Variants in PEAK1 observed in about 807,000 individuals in gnomAD.
The protein encoded by PEAK1 is inactive tyrosine-protein kinase PEAK1.
In PEAK1, 54 loss-of-function variants were observed where a neutral mutation model predicts 124.7. That is an observed-to-expected ratio of 0.43 (90% CI 0.35 to 0.54). The LOEUF (loss-of-function observed/expected upper bound fraction) is 0.54. Among genes scored for constraint, PEAK1 ranks in the 20% least tolerant of loss-of-function variants. The probability of loss-of-function intolerance (pLI) is 0.01; values close to 1 mark genes in which losing one functional copy is unlikely to be tolerated. For missense variants in PEAK1, 2,046 were observed against 2,134.5 expected, an observed-to-expected ratio of 0.96 and a Z score of 0.82; for synonymous variants, 719 against 760.0, an observed-to-expected ratio of 0.95 and a Z score of 0.89.
intron 5 of PEAK1, among the ~76,000 whole-genome samples, chr15:77,264,228 C>A (rs1402149857): frequency 4.6e-5 from 7 of 152,100 alleles, no homozygotes; most frequent in South Asian, 2.1e-4. Flanking sequence ...CACTCCTATT[C>A]AACATAGTGT....
chr15:77,169,238 T>G (rs2056336405), intron 7 of PEAK1, among the ~76,000 whole-genome samples: 1 of 152,104 alleles, frequency 6.6e-6, no homozygotes, highest in African/African-American at 2.4e-5. Flanking sequence ...GAACTGAAAA[T>G]TTAAGCACAG....
chr15:77,217,663 T>C (rs1329936951), intron 6 of PEAK1, among the ~76,000 whole-genome samples: 2 of 152,226 alleles, frequency 1.3e-5, no homozygotes, highest in East Asian at 3.8e-4. Flanking sequence ...ATTCAGTTAA[T>C]AATGTAAAAT....
chr15:77,185,521 C>T lies in PEAK1; in HGVS notation c.-114-3481G>A, dbSNP rs533074566. Among the ~76,000 whole-genome samples, 40 of 152,234 alleles carry T rather than the reference C, an allele frequency of 2.6e-4. 1 individual carries two copies. The highest frequency in any genetic ancestry group is 9.4e-4 in the African/African-American group (39 of 41,522). On this transcript the variant is annotated intron_variant, in intron 6 of 9. Coordinates refer to ENST00000682557, the MANE Select transcript of PEAK1 (RefSeq NM_001385026.1). Reference sequence around the variant, plus strand: ...TATTTCAAATGCTGCTGAGAGGTAACGGAAAATGAGGACTTACATACATGC... The same window carrying T: ...TATTTCAAATGCTGCTGAGAGGTAATGGAAAATGAGGACTTACATACATGC...
chr15:77,151,240 G>T (rs1374391246), intron 8 of PEAK1, among the ~76,000 whole-genome samples: 1 of 150,952 alleles, frequency 6.6e-6, no homozygotes, highest in South Asian at 2.1e-4. Flanking sequence ...TTGCAGTTTT[G>T]ATTTGCATTT....
At chr15:77,233,546 C>T (rs973554622) in intron 6 of PEAK1, among the ~76,000 whole-genome samples, 24 of 152,130 alleles carry the variant, frequency 1.6e-4, no homozygotes, top group Admixed American at 1.4e-3. Flanking sequence ...GTTGGAGTGA[C>T]CAAAAATATC....
At chr15:77,122,231 C>T (rs2051986127) in intron 9 of PEAK1, among the ~76,000 whole-genome samples, 1 of 152,162 alleles carries the variant, frequency 6.6e-6, no homozygotes, top group Admixed American at 6.5e-5. Flanking sequence ...TAATTTACAG[C>T]TTGAATTGCT....
Position 77,334,915 on chromosome 15 carries a change from C to T in PEAK1, c.-603+30248G>A, listed in dbSNP as rs1313427499. ...CCTTTTTATTACTGATATCCAGCTT[C>T]CCCAGGTTTAATGACTAAACCTTTT... On this transcript the variant is annotated intron_variant, in intron 2 of 9. Transcript: ENST00000682557. 3 of 985,242 alleles carry T rather than the reference C, an allele frequency of 3.0e-6. No individual in the cohort carries two copies. The African/African-American group carries it at 5.2e-5, about 17-fold the overall frequency. 61.0% of individuals were successfully genotyped at this position (985,242 alleles called of 1,614,324 possible).
intron 5 of PEAK1, among the ~76,000 whole-genome samples, chr15:77,257,223 G>C (rs1046787595): frequency 6.6e-6 from 1 of 151,680 alleles, no homozygotes; most frequent in Admixed American, 6.6e-5. Flanking sequence ...ATGATTTATA[G>C]TCCTTTGGGT....
chr15:77,102,332 CT>C, exon 7 of PEAK1: 1 of 152,236 alleles, frequency 6.6e-6, no homozygotes, highest in South Asian at 2.1e-4. Context: ...GTGTTGAAAT[CT>C]TTTTTCTGGG....
chr15:77,129,529 G>A (rs1271886363), intron 9 of PEAK1, among the ~76,000 whole-genome samples: 4 of 151,270 alleles, frequency 2.6e-5, no homozygotes, highest in Non-Finnish European at 5.9e-5. Context: ...TCCGCCTCCT[G>A]GGTTCAAGCA....
intron 9 of PEAK1, among the ~76,000 whole-genome samples, chr15:77,121,062 A>T (rs1212041963): frequency 6.6e-6 from 1 of 152,076 alleles, no homozygotes; most frequent in Non-Finnish European, 1.5e-5. Flanking sequence ...TCTTTAAAAA[A>T]TTTTTGTTTT....
At chr15:77,262,702 A>G (rs556519820) in intron 5 of PEAK1, among the ~76,000 whole-genome samples, 1 of 152,168 alleles carries the variant, frequency 6.6e-6, no homozygotes, top group East Asian at 1.9e-4. Context: ...AACGAGACAG[A>G]AAGTTAACAA....
At chr15:77,290,114 C>T (rs1597131711) in intron 2 of PEAK1, among the ~76,000 whole-genome samples, 8 of 151,968 alleles carry the variant, frequency 5.3e-5, no homozygotes, top group Admixed American at 4.6e-4. Context: ...ATTACAGGAG[C>T]CTTGCATCAC....
intron 6 of PEAK1, among the ~76,000 whole-genome samples, chr15:77,223,714 T>C (rs148188718): frequency 3.3e-5 from 5 of 152,084 alleles, no homozygotes; most frequent in African/African-American, 7.2e-5. Context: ...ATCTGCTAAG[T>C]GATTGATGAT....
chr15:77,188,197 A>G (rs2057646224), intron 6 of PEAK1, among the ~76,000 whole-genome samples: 1 of 152,232 alleles, frequency 6.6e-6, no homozygotes, highest in African/African-American at 2.4e-5. Context: ...TCTCCTATCT[A>G]AAGAAGAAAC....
chr15:77,132,878 A>G, intron 9 of PEAK1, 127 bp downstream of exon 9: 1 of 861,990 alleles, frequency 1.2e-6, no homozygotes, highest in East Asian at 2.6e-5. Flanking sequence ...GTATCTGGTA[A>G]GAGGTAGATG....
At position 77,181,261 on chromosome 15, in the gene PEAK1, C is replaced by T; in HGVS notation, c.666G>A (p.Gly222=). 1 of 1,613,904 alleles carries T rather than the reference C, an allele frequency of 6.2e-7. No individual in the cohort carries two copies. Among genetic ancestry groups the T allele is most frequent in the Non-Finnish European group, 8.5e-7 (1 of 1,180,012 alleles). ...SGSTEVISNE[G]GRFCYPEFSS... Reference sequence around the variant, plus strand: ...AAAACTCTGGGTAACAGAACCGGCCCCCTTCATTACTAATCACTTCTGTGC... The same window carrying T: ...AAAACTCTGGGTAACAGAACCGGCCTCCTTCATTACTAATCACTTCTGTGC... The change falls in exon 7 of 10, where the codon GGG becomes GGA. Residue 222 remains glycine, a synonymous_variant. Coordinates refer to ENST00000682557, the MANE Select transcript of PEAK1 (RefSeq NM_001385026.1).
chr15:77,204,162 C>T (rs892182847), intron 6 of PEAK1, among the ~76,000 whole-genome samples: 4 of 152,148 alleles, frequency 2.6e-5, no homozygotes, highest in Admixed American at 6.5e-5. Context: ...TGCACCACAT[C>T]ACGTTATTAG....
At chr15:77,277,075 AC>A (rs1281338448) in intron 5 of PEAK1, among the ~76,000 whole-genome samples, 2 of 152,168 alleles carry the variant, frequency 1.3e-5, no homozygotes, top group African/African-American at 4.8e-5. Flanking sequence ...TATTCAAGTA[AC>A]CTGCAGGAAA....
Sources: allele counts gnomAD v4.1 joint callset (sites outside exome capture counted in the v4.1 genomes callset), GRCh38; gene constraint gnomAD v4.1.1; transcripts MANE v1.5; gene names NCBI Gene and HGNC (gene_info 2026-07-23, HGNC 2026-07-21).